The following ELFN2 variants were observed in gnomAD, a reference collection of about 807,000 sequenced individuals.
The protein encoded by ELFN2 is protein phosphatase 1 regulatory subunit 29.
In ELFN2, 17 loss-of-function variants were observed where a neutral mutation model predicts 45.5. That is an observed-to-expected ratio of 0.37 (90% CI 0.26 to 0.56). The LOEUF (loss-of-function observed/expected upper bound fraction) is 0.56, where lower values mean the gene tolerates loss of function less well. Among genes scored for constraint, ELFN2 ranks in the 20% least tolerant of loss-of-function variants. The pLI, the probability that ELFN2 is intolerant of heterozygous loss-of-function variation, is 0.77. For synonymous variants in ELFN2, 550 were observed against 551.5 expected, an observed-to-expected ratio of 1.00 and a Z score of 0.04; for missense variants, 922 against 1,183.2, an observed-to-expected ratio of 0.78 and a Z score of 3.24.
In ELFN2 at chr22:37,375,312, G is replaced by C; in HGVS notation, c.223C>G (p.Leu75Val). 1 of 1,614,186 alleles carries C rather than the reference G, an allele frequency of 6.2e-7. No homozygotes were observed. Among genetic ancestry groups the C allele is most frequent in the Non-Finnish European group, 8.5e-7 (1 of 1,180,028 alleles). Residue 75 changes from leucine to valine, a missense_variant, in exon 3 of 3, where the codon CTC (leucine) becomes GTC (valine). This residue lies in a region of ELFN2 where 358 missense variants were observed against 540.4 expected (regional missense o/e 0.66). Transcript: ENST00000402918. ...TCGGTGAGGTTCCCAAAGCGGTTGA[G>C]CGAGGAGTAGAGCACGGCTTTGAGC... ...NKLKAVLYSS[L>V]NRFGNLTDLN...
Position 37,397,635 on chromosome 22 carries a change from C to T in ELFN2, c.-463+20134G>A, listed in dbSNP as rs564739380. Among the ~76,000 whole-genome samples the T allele has an allele frequency of 1.1e-3, 166 of 152,308 alleles. 1 individual carries two copies. The highest frequency in any genetic ancestry group is 1.5e-3 in the Non-Finnish European group (101 of 68,024). On this transcript the variant is annotated intron_variant, in intron 2 of 2. Transcript: ENST00000402918. ...GACTCTGCTGGCCTTGTGGGAGCCC[C>T]GCGTGACCTTCTTATGTGGGGACGT... is the stretch of plus-strand genomic sequence containing the variant.
intron 1 of ELFN2, among the ~76,000 whole-genome samples, chr22:37,358,355 G>T (rs150431642): frequency 2.6e-5 from 4 of 152,310 alleles, no homozygotes; most frequent in African/African-American, 9.6e-5. Context: ...TCAAGCAAGA[G>T]ACATCAGTTC....
chr22:37,375,298 C>T lies in ELFN2; in HGVS notation c.237G>A (p.Gly79=). ...TGGTGAGGTTGAGGTCGGTGAGGTT[C>T]CCAAAGCGGTTGAGCGAGGAGTAGA... ...AVLYSSLNRF[G]NLTDLNLTKN... is the part of the protein sequence containing the mutation. Residue 79 remains glycine, a synonymous_variant, in exon 3 of 3, where the codon GGG becomes GGA. Transcript: ENST00000402918. 1 of 1,614,096 alleles carries T rather than the reference C, an allele frequency of 6.2e-7. No individual in the cohort carries two copies. The highest frequency in any genetic ancestry group is 8.5e-7 in the Non-Finnish European group (1 of 1,180,016).
At chr22:37,352,157 T>A (rs1281684026) in intron 1 of ELFN2, 1 of 151,116 alleles carries the variant, frequency 6.6e-6, no homozygotes, top group Non-Finnish European at 1.5e-5. Context: ...TCCGCAAGGT[T>A]CAAGGACGCC....
chr22:37,345,020 C>T (rs1034049841), intron 1 of ELFN2, among the ~76,000 whole-genome samples: 6 of 152,208 alleles, frequency 3.9e-5, no homozygotes, highest in Non-Finnish European at 8.8e-5. Flanking sequence ...TGAGGGGCCA[C>T]GCTCCCGTCA....
In ELFN2 at chr22:37,346,350, G is replaced by A. The variant is rs563158888; in HGVS notation, n.149-3647C>T. Among the ~76,000 whole-genome samples, 10 of 152,100 alleles carry A rather than the reference G, an allele frequency of 6.6e-5. No homozygotes were observed. In the South Asian group the frequency reaches 2.1e-3, roughly 32 times the overall value. On this transcript the variant is annotated intron_variant and non_coding_transcript_variant, in intron 1 of 2. Coordinates refer to ENST00000452946, the Ensembl canonical transcript of ELFN2. ...GGCTGAAGCAGGTTCCCCCGCCCCA[G>A]AGTCCAGAGTGCCCTCCAGTCTCCA...
At chr22:37,383,361 G>A (rs1432230667) in intron 2 of ELFN2, among the ~76,000 whole-genome samples, 2 of 152,188 alleles carry the variant, frequency 1.3e-5, no homozygotes, top group African/African-American at 4.8e-5. Context: ...CAAGGTCCAC[G>A]GGCAGCTCTG....
At chr22:37,365,881 A>G (rs1931193280), downstream of ELFN2, among the ~76,000 whole-genome samples, 2 of 143,340 alleles carry the variant, frequency 1.4e-5, no homozygotes, top group African/African-American at 5.2e-5. Flanking sequence ...CCTTTTTGTC[A>G]TCTATATTTT....
chr22:37,409,368 G>C (rs1238848581), intron 2 of ELFN2, among the ~76,000 whole-genome samples: 1 of 152,170 alleles, frequency 6.6e-6, no homozygotes, highest in Non-Finnish European at 1.5e-5. Context: ...GAACAGCAGG[G>C]AACAGCGTGG....
intron 2 of ELFN2, among the ~76,000 whole-genome samples, chr22:37,382,210 G>A (rs1477349859): frequency 6.6e-6 from 1 of 152,118 alleles, no homozygotes; most frequent in East Asian, 1.9e-4. Context: ...ACTTTCCAAG[G>A]CTCCTCCCTG....
At chr22:37,353,741 A>C (rs1334008995) in intron 1 of ELFN2, 4 of 151,074 alleles carry the variant, frequency 2.6e-5, no homozygotes, top group Non-Finnish European at 4.5e-5. Context: ...GAGGGACTAA[A>C]GCGCAAAAGC....
intron 2 of ELFN2, among the ~76,000 whole-genome samples, chr22:37,405,497 A>G (rs1399365160): frequency 6.6e-6 from 1 of 152,068 alleles, no homozygotes; most frequent in Non-Finnish European, 1.5e-5. Flanking sequence ...GGCATGGGTC[A>G]CCTGCCTGGG....
intron 2 of ELFN2, among the ~76,000 whole-genome samples, chr22:37,399,441 A>T (rs1932305269): frequency 2.0e-5 from 3 of 152,086 alleles, no homozygotes. Flanking sequence ...GAGTGCCTGG[A>T]GGCACAGCAA....
At chr22:37,416,793 C>T (rs1049166086) in intron 2 of ELFN2, among the ~76,000 whole-genome samples, 2 of 152,214 alleles carry the variant, frequency 1.3e-5, no homozygotes, top group African/African-American at 4.8e-5. Context: ...ACACCTCCTC[C>T]GTCCTCCGGG....
intron 2 of ELFN2, among the ~76,000 whole-genome samples, chr22:37,382,660 G>A (rs949121129): frequency 6.1e-5 from 9 of 147,108 alleles, no homozygotes; most frequent in East Asian, 2.0e-4. Context: ...AGCAATTCTC[G>A]TGTCTCAGCC....
intron 2 of ELFN2, among the ~76,000 whole-genome samples, chr22:37,389,261 G>T (rs963099591): frequency 6.6e-6 from 1 of 152,022 alleles, no homozygotes; most frequent in Non-Finnish European, 1.5e-5. Flanking sequence ...GCCCACAATG[G>T]CTCCCACTGG....
intron 1 of ELFN2, among the ~76,000 whole-genome samples, chr22:37,425,956 C>T (rs1569146652): frequency 1.3e-5 from 2 of 151,682 alleles, no homozygotes; most frequent in South Asian, 2.1e-4. Flanking sequence ...GTAACCGCGC[C>T]GGGCAGTCCG....
At chr22:37,413,266 A>T (rs988048184) in intron 2 of ELFN2, among the ~76,000 whole-genome samples, 7 of 152,144 alleles carry the variant, frequency 4.6e-5, no homozygotes, top group Middle Eastern at 3.2e-3. Context: ...TGTCCCAGGC[A>T]CTTAAAATGT....
intron 1 of ELFN2, among the ~76,000 whole-genome samples, chr22:37,352,592 A>G (rs972268392): frequency 6.6e-6 from 1 of 150,810 alleles, no homozygotes; most frequent in Non-Finnish European, 1.5e-5. Flanking sequence ...TGCGCCCAAA[A>G]TGATAAGAAG....
Sources: gnomAD v4.1 joint callset for allele counts (sites outside exome capture counted in the v4.1 genomes callset) on GRCh38, gnomAD v4.1.1 for gene constraint, gnomAD v4.1.1 regional missense constraint, MANE v1.5 for transcripts, NCBI Gene and HGNC (gene_info 2026-07-23, HGNC 2026-07-21) for gene names.